The following TMEM65 variants were observed in gnomAD, a reference collection of about 807,000 sequenced individuals.
TMEM65 encodes transmembrane protein 65.
TMEM65 carries 22 observed loss-of-function variants against 25.4 expected under a neutral mutation model. That is an observed-to-expected ratio of 0.86 (90% CI 0.62 to 1.23). The LOEUF is 1.23. TMEM65 is among the 50% of genes most tolerant of loss of function. The probability of loss-of-function intolerance (pLI) is 0.00; values close to 1 mark genes in which losing one functional copy is unlikely to be tolerated. For synonymous variants in TMEM65, 132 were observed against 126.2 expected (o/e 1.05, Z -0.31); for missense variants, 262 against 308.2 (o/e 0.85, Z 1.12).
intron 1 of TMEM65, 144 bp downstream of exon 1, chr8:124,371,710 G>C (rs937976099): frequency 3.7e-6 from 3 of 801,958 alleles, no homozygotes; most frequent in Non-Finnish European, 5.3e-6. Flanking sequence ...AGCCGTCCCA[G>C]GCGTGGGGCC....
At chr8:124,354,363 A>ATGTTATAT (rs1461659007) in intron 1 of TMEM65, among the ~76,000 whole-genome samples, 2 of 152,228 alleles carry the variant, frequency 1.3e-5, no homozygotes, top group Non-Finnish European at 2.9e-5. Flanking sequence ...TAAAGTACCC[A>ATGTTATAT]TGTTATATTG....
chr8:124,344,830 A>G (rs1247019056), intron 1 of TMEM65, among the ~76,000 whole-genome samples: 1 of 152,180 alleles, frequency 6.6e-6, no homozygotes, highest in Non-Finnish European at 1.5e-5. Flanking sequence ...GCCATACAAT[A>G]TATATCAAAT....
At chr8:124,371,817 G>A (rs897112095) in intron 1 of TMEM65, 37 bp downstream of exon 1, 100 of 1,488,748 alleles carry the variant, frequency 6.7e-5, no homozygotes, top group Non-Finnish European at 8.5e-5. Flanking sequence ...GGAGGGCGTC[G>A]GGGCCCCCGG....
At chr8:124,360,467 G>A (rs2131226687) in intron 1 of TMEM65, among the ~76,000 whole-genome samples, 1 of 151,872 alleles carries the variant, frequency 6.6e-6, no homozygotes, top group East Asian at 1.9e-4. Context: ...ATTTGTAAGG[G>A]TGTCTGCCTC....
At chr8:124,329,079 CTT>C (rs963913418) in intron 2 of TMEM65, among the ~76,000 whole-genome samples, 12 of 150,718 alleles carry the variant, frequency 8.0e-5, no homozygotes, top group African/African-American at 2.0e-4. Context: ...AAAATTTCGT[CTT>C]GTTTTAAGTA....
chr8:124,353,200 G>A (rs921866430), intron 1 of TMEM65, among the ~76,000 whole-genome samples: 4 of 152,150 alleles, frequency 2.6e-5, no homozygotes, highest in Admixed American at 6.5e-5. Context: ...TTGTGGCTCA[G>A]GGTGTCAGTG....
intron 1 of TMEM65, among the ~76,000 whole-genome samples, chr8:124,338,455 A>C (rs1814538911): frequency 6.6e-6 from 1 of 152,120 alleles, no homozygotes; most frequent in Non-Finnish European, 1.5e-5. Flanking sequence ...CATCGCAGAC[A>C]AAGTATGTCA....
chr8:124,339,572 T>C (rs1339756686), intron 1 of TMEM65, among the ~76,000 whole-genome samples: 1 of 151,974 alleles, frequency 6.6e-6, no homozygotes, highest in Non-Finnish European at 1.5e-5. Context: ...ATCTGAAGTA[T>C]ACCTCCAGGA....
chr8:124,371,012 G>A (rs1815004528), intron 1 of TMEM65, among the ~76,000 whole-genome samples: 3 of 152,034 alleles, frequency 2.0e-5, no homozygotes, highest in African/African-American at 7.2e-5. Flanking sequence ...TGAACTTTTA[G>A]CTTTTTCACC....
intron 1 of TMEM65, among the ~76,000 whole-genome samples, chr8:124,331,875 G>A (rs760613671): frequency 9.2e-5 from 14 of 151,956 alleles, no homozygotes; most frequent in African/African-American, 1.4e-4. Flanking sequence ...AAAAGTAAAA[G>A]TCAAATCTCC....
rs1204969438 is a variant in TMEM65, at chr8:124,308,071, T to C, written c.*5889A>G. ...AGATAAACACCAGCTGCCAGTCTTC[T>C]GGCAGTATAACAAGAAGGCCTGGAC... is the stretch of plus-strand genomic sequence containing the variant. On this transcript the variant is annotated 3_prime_UTR_variant, in exon 7 of 7. Coordinates refer to ENST00000297632, the MANE Select transcript of TMEM65 (RefSeq NM_194291.3). 2 of 152,192 alleles carry C rather than the reference T, an allele frequency of 1.3e-5. No homozygotes were observed. Among genetic ancestry groups the C allele is most frequent in the Admixed American group, 6.5e-5 (1 of 15,284 alleles). 9.4% of individuals were successfully genotyped at this position (152,192 alleles called of 1,614,324 possible). A position where few individuals can be genotyped will look rare whatever the true frequency, so the allele number is the denominator to read the frequency against.
At chr8:124,334,609 C>G (rs972561804) in intron 1 of TMEM65, among the ~76,000 whole-genome samples, 1 of 150,878 alleles carries the variant, frequency 6.6e-6, no homozygotes, top group Admixed American at 6.6e-5. Flanking sequence ...ACTAAAAATA[C>G]AAAAATTAGC....
intron 1 of TMEM65, among the ~76,000 whole-genome samples, chr8:124,361,324 A>G (rs1308329965): frequency 1.3e-5 from 2 of 151,448 alleles, no homozygotes; most frequent in Non-Finnish European, 2.9e-5. Flanking sequence ...AATCCCAGCT[A>G]CTCCAGAGGC....
intron 1 of TMEM65, among the ~76,000 whole-genome samples, chr8:124,348,299 A>G (rs1343286895): frequency 6.6e-6 from 1 of 151,542 alleles, no homozygotes; most frequent in Non-Finnish European, 1.5e-5. Flanking sequence ...TTTAAGGATA[A>G]TCAGATATAC....
intron 4 of TMEM65, among the ~76,000 whole-genome samples, chr8:124,322,825 G>A (rs1320862990): frequency 2.6e-5 from 4 of 151,832 alleles, no homozygotes; most frequent in African/African-American, 7.3e-5. Flanking sequence ...GTGAAACCCC[G>A]TCTCTACTAA....
chr8:124,351,361 T>C (rs781368359), intron 1 of TMEM65, among the ~76,000 whole-genome samples: 2 of 152,078 alleles, frequency 1.3e-5, no homozygotes, highest in African/African-American at 4.8e-5. Flanking sequence ...TGTCAAAACA[T>C]GAAAAACTCT....
chr8:124,365,726 G>C (rs918525494), intron 1 of TMEM65, among the ~76,000 whole-genome samples: 1 of 152,190 alleles, frequency 6.6e-6, no homozygotes, highest in African/African-American at 2.4e-5. Flanking sequence ...AGAGATTTTA[G>C]TGATGTGTCC....
rs1814136851 is a variant in TMEM65, at chr8:124,310,053, G to A, written c.*3907C>T. ...CGTGACTGTAATCCCAGCTACTCAG[G>A]AGGCTGAGGCAGGAGAATCACTTGA... On this transcript the variant is annotated 3_prime_UTR_variant, in exon 7 of 7. Transcript: ENST00000297632. 6.6e-6 allele frequency: 1 copy of A among 152,292 alleles called. No homozygotes were observed. The allele number at this position is 152,292 out of a possible 1,614,324, so 9.4% of individuals were successfully genotyped here. A position where few individuals can be genotyped will look rare whatever the true frequency, so the allele number is the denominator to read the frequency against.
At chr8:124,365,144 C>T (rs1814920788) in intron 1 of TMEM65, among the ~76,000 whole-genome samples, 1 of 152,068 alleles carries the variant, frequency 6.6e-6, no homozygotes, top group South Asian at 2.1e-4. Flanking sequence ...TTGATCATAA[C>T]AATTTGTCAC....
Sources: gnomAD v4.1 joint callset for allele counts (sites outside exome capture counted in the v4.1 genomes callset) on GRCh38, gnomAD v4.1.1 for gene constraint, MANE v1.5 for transcripts, NCBI Gene and HGNC (gene_info 2026-07-23, HGNC 2026-07-21) for gene names.